Variants in SLC4A4 observed in about 807,000 individuals in gnomAD.
SLC4A4 encodes electrogenic sodium bicarbonate cotransporter 1.
In SLC4A4, 27 loss-of-function variants were observed where a neutral mutation model predicts 111.5. That is an observed-to-expected ratio of 0.24 (90% confidence interval 0.18 to 0.33). The LOEUF is 0.33. Among genes scored for constraint, SLC4A4 ranks in the 10% least tolerant of loss-of-function variants. The probability of loss-of-function intolerance (pLI) is 1.00; values close to 1 mark genes in which losing one functional copy is unlikely to be tolerated. For synonymous variants in SLC4A4, 443 were observed against 463.4 expected, an observed-to-expected ratio of 0.96 and a Z score of 0.57; for missense variants, 909 against 1,315.5, an observed-to-expected ratio of 0.69 and a Z score of 4.78.
chr4:71,261,904 G>GA (rs1721883022), intron 3 of SLC4A4, among the ~76,000 whole-genome samples: 1 of 152,130 alleles, frequency 6.6e-6, no homozygotes, highest in South Asian at 2.1e-4. Context: ...CACGTGCTGG[G>GA]GTGCTCAGGG....
intron 3 of SLC4A4, among the ~76,000 whole-genome samples, chr4:71,271,248 T>A (rs1448683321): frequency 6.6e-6 from 1 of 152,258 alleles, no homozygotes; most frequent in Non-Finnish European, 1.5e-5. Context: ...TAGAGGTTAT[T>A]ATTTCTGCTT....
At position 71,329,518 on chromosome 4, in the gene SLC4A4, G is replaced by T. The variant is rs574360689; in HGVS notation, c.254-9852G>T. 1.2e-4 allele frequency among the ~76,000 whole-genome samples: 18 copies of T among 152,010 alleles called. No individual in the cohort carries two copies. In the South Asian group the frequency reaches 3.5e-3, roughly 30 times the overall value. On this transcript the variant is annotated intron_variant, in intron 3 of 25. Coordinates refer to ENST00000264485, the MANE Select transcript of SLC4A4 (RefSeq NM_001098484.3). ...GCATCAATGTTTTATAGTTTTCATT[G>T]TAGAGATCTTTCACTTTCTTGGCTA...
At chr4:71,464,442 G>A (rs958298947) in intron 12 of SLC4A4, among the ~76,000 whole-genome samples, 1 of 152,154 alleles carries the variant, frequency 6.6e-6, no homozygotes, top group Admixed American at 6.6e-5. Context: ...CTGTCCCTGT[G>A]AGGAAGAATG....
intron 6 of SLC4A4, among the ~76,000 whole-genome samples, chr4:71,368,107 A>T (rs1035310459): frequency 6.6e-6 from 1 of 152,208 alleles, no homozygotes; most frequent in Non-Finnish European, 1.5e-5. Flanking sequence ...TCCTTAAAGG[A>T]TAATTATGCC....
rs555721420 is a variant in SLC4A4, at chr4:71,296,640, A to G, written c.253+41241A>G. ...GAAATATGATTTGATGATTTCTACT[A>G]ACTATATGTATTGTCTCCATAATAT... On this transcript the variant is annotated intron_variant, in intron 3 of 25. Coordinates refer to ENST00000264485, the MANE Select transcript of SLC4A4 (RefSeq NM_001098484.3). Among the ~76,000 whole-genome samples, 62 of 152,334 alleles carry G rather than the reference A, an allele frequency of 4.1e-4. No homozygotes were observed. The South Asian group carries it at 0.012, about 29-fold the overall frequency.
chr4:71,432,695 T>C (rs779168642), intron 7 of SLC4A4, among the ~76,000 whole-genome samples: 2 of 152,054 alleles, frequency 1.3e-5, no homozygotes, highest in African/African-American at 4.8e-5. Flanking sequence ...CTTGCTTTTT[T>C]GTCTCAGCTT....
chr4:71,500,111 T>A (rs1271241424), intron 16 of SLC4A4, among the ~76,000 whole-genome samples: 1 of 152,228 alleles, frequency 6.6e-6, no homozygotes, highest in Admixed American at 6.5e-5. Flanking sequence ...TTTTTGATAA[T>A]AACCATCCCA....
At chr4:71,417,115 C>A (rs540045262) in intron 7 of SLC4A4, among the ~76,000 whole-genome samples, 1 of 152,280 alleles carries the variant, frequency 6.6e-6, no homozygotes, top group Non-Finnish European at 1.5e-5. Flanking sequence ...AACACATGGA[C>A]TTCATGTGTT....
At chr4:71,478,527 A>G (rs1297657573) in intron 14 of SLC4A4, among the ~76,000 whole-genome samples, 1 of 151,158 alleles carries the variant, frequency 6.6e-6, no homozygotes, top group African/African-American at 2.4e-5. Flanking sequence ...CAAATACCAC[A>G]CGTTCTCTCT....
At chr4:71,238,049 A>G (rs1360103131) in intron 2 of SLC4A4, among the ~76,000 whole-genome samples, 1 of 152,192 alleles carries the variant, frequency 6.6e-6, no homozygotes, top group Non-Finnish European at 1.5e-5. Flanking sequence ...CAAAGAGGAG[A>G]TACCAGCAAA....
intron 1 of SLC4A4, among the ~76,000 whole-genome samples, chr4:71,090,844 A>T (rs1742366865): frequency 2.6e-5 from 4 of 152,228 alleles, no homozygotes. Flanking sequence ...AACTGTGATG[A>T]TTGTAGCCAG....
At chr4:71,469,848 G>A (rs899476112) in intron 13 of SLC4A4, among the ~76,000 whole-genome samples, 18 of 151,856 alleles carry the variant, frequency 1.2e-4, no homozygotes, top group African/African-American at 4.1e-4. Context: ...AGCTAGTTTA[G>A]CATATTGTTT....
chr4:71,353,683 A>C (rs1464416941), intron 5 of SLC4A4, among the ~76,000 whole-genome samples: 3 of 152,220 alleles, frequency 2.0e-5, no homozygotes, highest in African/African-American at 7.2e-5. Flanking sequence ...GTTGAGAATT[A>C]TGCACAGCTA....
Position 71,235,135 on chromosome 4 carries a change from T to C in SLC4A4, c.-1-1441T>C, listed in dbSNP as rs138543418. ...GGTTGATATTATTACCCCAGTTTTA[T>C]AGATGGAAAAACTGAGACTTAAAAA... On this transcript the variant is annotated intron_variant, in intron 1 of 25. Transcript: ENST00000264485. Among the ~76,000 whole-genome samples, 27 of 152,270 alleles carry C rather than the reference T, an allele frequency of 1.8e-4. No individual in the cohort carries two copies. The East Asian group carries it at 3.9e-3, about 22-fold the overall frequency.
chr4:71,160,468 T>A (rs1223136948), intron 2 of SLC4A4, among the ~76,000 whole-genome samples: 2 of 152,164 alleles, frequency 1.3e-5, no homozygotes, highest in African/African-American at 4.8e-5. Context: ...TGGAACGCTT[T>A]CATTTCTATA....
chr4:71,292,334 G>T (rs1443372042), intron 3 of SLC4A4, among the ~76,000 whole-genome samples: 1 of 152,198 alleles, frequency 6.6e-6, no homozygotes, highest in Non-Finnish European at 1.5e-5. Context: ...TTTATGTTCA[G>T]ATGGTAGTTT....
chr4:71,222,163 C>T (rs1168466506), intron 1 of SLC4A4, among the ~76,000 whole-genome samples: 2 of 152,124 alleles, frequency 1.3e-5, no homozygotes, highest in Non-Finnish European at 2.9e-5. Flanking sequence ...AAGCAGCCTG[C>T]CTCTCCTTTA....
chr4:71,372,846 GT>G (rs796832515), intron 6 of SLC4A4, among the ~76,000 whole-genome samples: 101 of 141,050 alleles, frequency 7.2e-4, no homozygotes, highest in South Asian at 2.9e-3. Context: ...TGTTTTCTTT[GT>G]TTTTTTTTTT....
At chr4:71,348,273 G>A (rs1177262510) in intron 4 of SLC4A4, among the ~76,000 whole-genome samples, 1 of 149,538 alleles carries the variant, frequency 6.7e-6, no homozygotes. Context: ...TTTTATTTCT[G>A]TGGTCTAACT....
Sources: allele counts gnomAD v4.1 joint callset (sites outside exome capture counted in the v4.1 genomes callset), GRCh38; gene constraint gnomAD v4.1.1; transcripts MANE v1.5; gene names NCBI Gene and HGNC (gene_info 2026-07-23, HGNC 2026-07-21).